COPZ1: variants seen among roughly 807,000 people sequenced by gnomAD.
The protein encoded by COPZ1 is coat protein complex I subunit zeta 1, also known as coatomer subunit zeta-1.
A neutral mutation model predicts 31.7 loss-of-function variants in COPZ1; 4 were observed. The observed-to-expected ratio is 0.13, with a 90% CI of 0.06 to 0.29. The LOEUF (loss-of-function observed/expected upper bound fraction) is 0.29. Ranked by LOEUF, COPZ1 falls within the 10% of genes least tolerant of loss-of-function variation. The pLI is 1.00. For missense variants in COPZ1, 156 were observed against 211.5 expected, an observed-to-expected ratio of 0.74 and a Z score of 1.63; for synonymous variants, 74 against 79.0, an observed-to-expected ratio of 0.94 and a Z score of 0.33.
chr12:54,331,666 T>G (rs536728375), intron 1 of COPZ1, among the ~76,000 whole-genome samples: 1 of 151,804 alleles, frequency 6.6e-6, no homozygotes, highest in South Asian at 2.1e-4. Flanking sequence ...TAACACAGAG[T>G]CTGTCAATTC....
chr12:54,347,284 A>G (rs932940086), intron 5 of COPZ1, among the ~76,000 whole-genome samples: 1 of 152,196 alleles, frequency 6.6e-6, no homozygotes, highest in Non-Finnish European at 1.5e-5. Context: ...GCTTCTTTTC[A>G]GGGCCTGAGC....
chr12:54,345,872 G>T (rs1456630364), intron 5 of COPZ1, among the ~76,000 whole-genome samples: 1 of 151,478 alleles, frequency 6.6e-6, no homozygotes, highest in East Asian at 1.9e-4. Flanking sequence ...CAGGCGAATG[G>T]CATGAACCTG....
chr12:54,342,266 A>T lies in COPZ1; in HGVS notation c.148A>T (p.Asn50Tyr), dbSNP rs1953984732. ...EQKAFEKNIF[N>Y]KTHRTDSEIA... ...AAAGGCCTTTGAGAAGAACATTTTC[A>T]ACAAGACCCATCGGACTGACAGTAG... is the stretch of plus-strand genomic sequence containing the variant. Residue 50 changes from asparagine (N) to tyrosine (Y), a missense_variant, in exon 3 of 9, where the codon AAC becomes TAC. Physicochemically the swap from Asn to Tyr is moderately radical, Grantham distance 143. Transcript: ENST00000262061. 6 of 1,613,810 alleles carry T rather than the reference A, an allele frequency of 3.7e-6. No homozygotes were observed. Among genetic ancestry groups the T allele is most frequent in the Non-Finnish European group, 5.1e-6 (6 of 1,179,854 alleles).
chr12:54,328,311 C>A (rs1260463346), intron 1 of COPZ1, among the ~76,000 whole-genome samples: 1 of 148,320 alleles, frequency 6.7e-6, no homozygotes, highest in Non-Finnish European at 1.5e-5. Flanking sequence ...GTGGCTCACG[C>A]CTGTAAATCC....
chr12:54,345,613 C>T, intron 5 of COPZ1, 98 bp downstream of exon 5: 2 of 989,606 alleles, frequency 2.0e-6, no homozygotes, highest in Non-Finnish European at 3.1e-6. Context: ...TTCTTCAGGC[C>T]CAGGGATTGT....
Position 54,325,135 on chromosome 12 carries a change from C to T in COPZ1, c.-29C>T, listed in dbSNP as rs1382683991. ...ATCAGCGGCGGCGTTTCTTTTGCGG[C>T]TCCACGTCGGCACCAGCTGCGGGGC... On this transcript the variant is annotated 5_prime_UTR_variant, in exon 1 of 9. Transcript: ENST00000262061. 6.4e-7 allele frequency: 1 copy of T among 1,560,054 alleles called. No individual in the cohort carries two copies. Among genetic ancestry groups the T allele is most frequent in the Admixed American group, 1.9e-5 (1 of 52,402 alleles).
chr12:54,331,437 C>CA (rs1478949148), intron 1 of COPZ1, among the ~76,000 whole-genome samples: 1 of 152,072 alleles, frequency 6.6e-6, no homozygotes, highest in East Asian at 1.9e-4. Context: ...CCTTGGCCTC[C>CA]CAAAGTGCTG....
intron 7 of COPZ1, among the ~76,000 whole-genome samples, chr12:54,349,133 C>A (rs890141974): frequency 1.3e-5 from 2 of 151,774 alleles, no homozygotes; most frequent in Non-Finnish European, 2.9e-5. Flanking sequence ...GGGTCCCCCC[C>A]ATCAACTCCC....
chr12:54,330,371 C>T (rs978241567), intron 1 of COPZ1, among the ~76,000 whole-genome samples: 1 of 152,162 alleles, frequency 6.6e-6, no homozygotes, highest in African/African-American at 2.4e-5. Flanking sequence ...TCGGCTTGAA[C>T]TAAAACCCCC....
At chr12:54,338,724 A>G (rs1342737486) in intron 1 of COPZ1, among the ~76,000 whole-genome samples, 2 of 152,226 alleles carry the variant, frequency 1.3e-5, no homozygotes, top group Non-Finnish European at 2.9e-5. Context: ...TGTGTCAGGC[A>G]TTGTTCTGGA....
chr12:54,342,088 C>A, intron 2 of COPZ1, 118 bp from the exon 3 acceptor site: 1 of 697,140 alleles, frequency 1.4e-6, no homozygotes. Flanking sequence ...GTCAGTATTT[C>A]TCCCTTGCCC....
intron 8 of COPZ1, chr12:54,350,125 C>T (rs1176442561): frequency 4.8e-6 from 3 of 630,078 alleles, no homozygotes; most frequent in East Asian, 2.7e-5. Context: ...GGAGGGGTTC[C>T]GTTTTCTACC....
rs71070816 is a variant in COPZ1, at chr12:54,326,640, G to GGTGTGTGT, written c.18+1492_18+1499dup. Among the ~76,000 whole-genome samples, 354 of 134,582 alleles carry GGTGTGTGT rather than the reference G, an allele frequency of 2.6e-3. 4 individuals carry two copies. The highest frequency in any genetic ancestry group is 3.8e-3 in the Non-Finnish European group (243 of 64,356). 88.3% of individuals were successfully genotyped at this position (134,582 alleles called of 152,430 possible). ...AGTGCCCTATTTTGCGATTTGGAGG[G>GGTGTGTGT]GTGTGTGTGTGTGTGTGTGTGTGTG... is the stretch of plus-strand genomic sequence containing the variant. On this transcript the variant is annotated intron_variant, in intron 1 of 8. Transcript: ENST00000262061.
In COPZ1 at chr12:54,345,493, G is replaced by A. The variant is rs765032536; in HGVS notation, c.295G>A (p.Asp99Asn). 1.2e-5 allele frequency: 19 copies of A among 1,613,466 alleles called. No individual in the cohort carries two copies. Among genetic ancestry groups the A allele is most frequent in the East Asian group, 2.2e-5 (1 of 44,866 alleles). ...TATGGCTGTTCTGAACTGTCTCTTC[G>A]ACTCATTGAGCCAGATGCTGAGGTG... is the stretch of plus-strand genomic sequence containing the variant. ...MLMAVLNCLFDSLSQMLRKNV... is the reference protein window; with the variant it reads ...MLMAVLNCLFNSLSQMLRKNV... The change falls in exon 5 of 9, where the codon GAC becomes AAC. Residue 99 changes from aspartate (D) to asparagine (N), a missense_variant. Physicochemically the swap from Asp to Asn is conservative, Grantham distance 23. Coordinates refer to ENST00000262061, the MANE Select transcript of COPZ1 (RefSeq NM_016057.3).
intron 7 of COPZ1, among the ~76,000 whole-genome samples, chr12:54,348,983 C>A (rs1291434999): frequency 6.6e-6 from 1 of 151,816 alleles, no homozygotes; most frequent in Admixed American, 6.5e-5. Flanking sequence ...TCTCCCCATT[C>A]ACAGAATGTC....
At chr12:54,341,247 G>T (rs1953968419) in intron 2 of COPZ1, among the ~76,000 whole-genome samples, 1 of 152,128 alleles carries the variant, frequency 6.6e-6, no homozygotes, top group Non-Finnish European at 1.5e-5. Context: ...TTTTTCCAGA[G>T]AATTGTCTTG....
chr12:54,345,537 T>G (rs748671167), intron 5 of COPZ1, 22 bp downstream of exon 5: 1 of 1,596,078 alleles, frequency 6.3e-7, no homozygotes, highest in Non-Finnish European at 8.6e-7. Context: ...ATTCTTTTTT[T>G]TCCCCTCAAG....
intron 1 of COPZ1, among the ~76,000 whole-genome samples, chr12:54,329,934 A>G (rs1480637170): frequency 6.6e-6 from 1 of 152,160 alleles, no homozygotes; most frequent in African/African-American, 2.4e-5. Flanking sequence ...TGGCCCTAAC[A>G]GTAGAGGTAC....
chr12:54,335,105 C>T (rs927263421), intron 1 of COPZ1, among the ~76,000 whole-genome samples: 19 of 148,842 alleles, frequency 1.3e-4, no homozygotes, highest in African/African-American at 4.7e-4. Context: ...ACCCAGGAGG[C>T]GGAGGTTGCA....
Sources: allele counts gnomAD v4.1 joint callset (sites outside exome capture counted in the v4.1 genomes callset), GRCh38; gene constraint gnomAD v4.1.1; transcripts MANE v1.5; gene names NCBI Gene and HGNC (gene_info 2026-07-23, HGNC 2026-07-21).